ITSN1: variants seen among roughly 807,000 people sequenced by gnomAD.
The protein encoded by ITSN1 is intersectin-1.
ITSN1 carries 58 observed loss-of-function variants against 239.8 expected under a neutral mutation model. That is an observed-to-expected ratio of 0.24 (90% CI 0.20 to 0.30). The LOEUF (loss-of-function observed/expected upper bound fraction) is 0.30. ITSN1 is among the 10% of genes least tolerant of loss of function. The pLI is 1.00. For missense variants in ITSN1, 1,558 were observed against 2,103.3 expected, an observed-to-expected ratio of 0.74 and a Z score of 5.07; for synonymous variants, 780 against 770.8, an observed-to-expected ratio of 1.01 and a Z score of -0.20.
chr21:33,817,352 C>T (rs918878889), intron 22 of ITSN1: 1 of 1,304,454 alleles, frequency 7.7e-7, no homozygotes, highest in African/African-American at 1.5e-5. Context: ...CGCCCTCGGC[C>T]TGGAGTGCCC....
intron 1 of ITSN1, among the ~76,000 whole-genome samples, chr21:33,651,949 T>C (rs529080721): frequency 2.4e-4 from 36 of 152,362 alleles, no homozygotes; most frequent in African/African-American, 8.4e-4. Context: ...ACAGTTGTGA[T>C]TTGGTAATTT....
intron 1 of ITSN1, chr21:33,644,033 C>CTA (rs2087700430): frequency 6.6e-6 from 1 of 152,222 alleles, no homozygotes; most frequent in African/African-American, 2.4e-5. Flanking sequence ...TGGTGCCACT[C>CTA]TAAACCCCCA....
chr21:33,783,834 G>A (rs1376617053), intron 16 of ITSN1, among the ~76,000 whole-genome samples: 1 of 152,056 alleles, frequency 6.6e-6, no homozygotes, highest in Non-Finnish European at 1.5e-5. Context: ...TCTTTTTCTA[G>A]AAATTTGACT....
intron 27 of ITSN1, among the ~76,000 whole-genome samples, chr21:33,832,903 T>C (rs926268273): frequency 6.6e-6 from 1 of 152,198 alleles, no homozygotes; most frequent in Non-Finnish European, 1.5e-5. Flanking sequence ...TAGGTAATTA[T>C]AGTCACATGG....
intron 1 of ITSN1, among the ~76,000 whole-genome samples, chr21:33,655,014 C>G (rs889808758): frequency 2.6e-5 from 4 of 151,354 alleles, no homozygotes; most frequent in Non-Finnish European, 5.9e-5. Context: ...ACTACCTTGT[C>G]TCTTTTTTTT....
At chr21:33,799,741 TG>T (rs1403284215) in intron 18 of ITSN1, 66 bp from the exon 19 acceptor site, 1 of 1,560,146 alleles carries the variant, frequency 6.4e-7, no homozygotes, top group Non-Finnish European at 8.8e-7. Context: ...TTGTTTGGCT[TG>T]TTGTCATACA....
At chr21:33,867,638 TAAAA>T (rs3057468) in intron 33 of ITSN1, among the ~76,000 whole-genome samples, 9 of 142,818 alleles carry the variant, frequency 6.3e-5, no homozygotes, top group Non-Finnish European at 7.6e-5. Flanking sequence ...CTATCTCTAT[TAAAA>T]AAAAAAAAAA....
At position 33,721,217 on chromosome 21, in the gene ITSN1, C is replaced by T. The variant is rs201302056; in HGVS notation, c.68C>T (p.Ala23Val). 1.2e-5 allele frequency: 19 copies of T among 1,613,316 alleles called. No individual in the cohort carries two copies. Among genetic ancestry groups the T allele is most frequent in the Middle Eastern group, 1.7e-4 (1 of 6,058 alleles). Residue 23 changes from alanine to valine, a missense_variant, in exon 3 of 40, where the codon GCG becomes GTG. Ala to Val is a moderately conservative substitution (Grantham distance 64). This residue lies in a region of ITSN1 where 982 missense variants were observed against 1,209.9 expected (regional missense o/e 0.81). Transcript: ENST00000381318. ...DIWAITVEERAKHDQQFHSLK... is the reference protein window; with the variant it reads ...DIWAITVEERVKHDQQFHSLK... ...TGGGCCATAACTGTAGAGGAAAGAGCGAAGCATGATCAGCAGTTCCATAGT... is the reference window on the plus strand; with the variant it reads ...TGGGCCATAACTGTAGAGGAAAGAGTGAAGCATGATCAGCAGTTCCATAGT...
chr21:33,834,207 C>A, intron 27 of ITSN1, 100 bp from the exon 28 acceptor site: 1 of 788,224 alleles, frequency 1.3e-6, no homozygotes, highest in South Asian at 1.8e-5. Context: ...ATTTGTTTTT[C>A]AGTTATATGT....
chr21:33,728,672 C>T (rs2065978596), intron 4 of ITSN1, among the ~76,000 whole-genome samples: 1 of 152,156 alleles, frequency 6.6e-6, no homozygotes, highest in South Asian at 2.1e-4. Flanking sequence ...TGTCACCTCC[C>T]CAAAGTGGCA....
At chr21:33,842,687 C>T (rs750834546) in intron 29 of ITSN1, among the ~76,000 whole-genome samples, 1 of 152,198 alleles carries the variant, frequency 6.6e-6, no homozygotes, top group South Asian at 2.1e-4. Context: ...ATTTCCACAT[C>T]TGCTTGGCAC....
In ITSN1 at chr21:33,679,677, G is replaced by A. The variant is rs1038043964; in HGVS notation, c.-33+36964G>A. Among the ~76,000 whole-genome samples the A allele has an allele frequency of 1.7e-4, 22 of 129,902 alleles. 1 individual carries two copies. The highest frequency in any genetic ancestry group is 1.4e-3 in the Admixed American group (18 of 13,314). The allele number at this position is 129,902 out of a possible 152,430, so 85.2% of individuals were successfully genotyped here. On this transcript the variant is annotated intron_variant, in intron 1 of 39. Transcript: ENST00000381318. ...TAAATTTAGCAGTCCTCCCTTTTTTGTGTGTTTTTTGATCCTTATCCTTTT... is the reference window on the plus strand; with the variant it reads ...TAAATTTAGCAGTCCTCCCTTTTTTATGTGTTTTTTGATCCTTATCCTTTT...
At chr21:33,671,838 A>C (rs1171967883) in intron 1 of ITSN1, among the ~76,000 whole-genome samples, 2 of 152,218 alleles carry the variant, frequency 1.3e-5, no homozygotes, top group Non-Finnish European at 2.9e-5. Context: ...TAATTACTTG[A>C]ATCTCACCGT....
intron 1 of ITSN1, among the ~76,000 whole-genome samples, chr21:33,672,217 A>G (rs2090330846): frequency 7.0e-6 from 1 of 143,678 alleles, no homozygotes; most frequent in Non-Finnish European, 1.5e-5. Flanking sequence ...AACTCTGTCT[A>G]AAAAAAAAAA....
At chr21:33,748,214 C>T (rs977436456) in intron 5 of ITSN1, among the ~76,000 whole-genome samples, 1 of 152,146 alleles carries the variant, frequency 6.6e-6, no homozygotes, top group Non-Finnish European at 1.5e-5. Context: ...GCCCTGTAAT[C>T]CCAGCACCGT....
At chr21:33,755,275 C>G in intron 7 of ITSN1, 22 bp from the exon 8 acceptor site, 2 of 1,462,176 alleles carry the variant, frequency 1.4e-6, no homozygotes, top group Non-Finnish European at 1.9e-6. Context: ...TCCTCTTTCT[C>G]TCCTTTTTCT....
intron 1 of ITSN1, among the ~76,000 whole-genome samples, chr21:33,651,878 C>G (rs974048017): frequency 6.6e-6 from 1 of 152,144 alleles, no homozygotes; most frequent in Admixed American, 6.5e-5. Flanking sequence ...TAGTTTTAAA[C>G]CACAGTCATT....
chr21:33,796,230 C>A lies in ITSN1; in HGVS notation c.1953-1149C>A, dbSNP rs530014280. Among the ~76,000 whole-genome samples the A allele has an allele frequency of 5.0e-3, 764 of 152,262 alleles. 2 individuals carry two copies. The highest frequency in any genetic ancestry group is 0.012 in the South Asian group (58 of 4,820). On this transcript the variant is annotated intron_variant, in intron 17 of 39. Coordinates refer to ENST00000381318, the MANE Select transcript of ITSN1 (RefSeq NM_003024.3). The stretch of plus-strand genomic sequence containing the variant: ...TCGTGATCTGCCCTCCTCAGCCTCC[C>A]AAAGTGCTGGGATTACAGGCATGAG...
intron 1 of ITSN1, among the ~76,000 whole-genome samples, chr21:33,655,025 T>A (rs2088917786): frequency 1.3e-5 from 2 of 152,228 alleles, no homozygotes; most frequent in Non-Finnish European, 2.9e-5. Context: ...TCTTTTTTTT[T>A]TTCACTATGT....
Sources: allele counts gnomAD v4.1 joint callset (sites outside exome capture counted in the v4.1 genomes callset), GRCh38; gene constraint gnomAD v4.1.1; regional missense constraint gnomAD v4.1.1; transcripts MANE v1.5; gene names NCBI Gene and HGNC (gene_info 2026-07-23, HGNC 2026-07-21).